EBF4: variants seen among roughly 807,000 people sequenced by gnomAD.
The protein encoded by EBF4 is transcription factor COE4.
EBF4 carries 34 observed loss-of-function variants against 67.1 expected under a neutral mutation model. The observed-to-expected ratio is 0.51, with a 90% confidence interval of 0.39 to 0.67. The LOEUF (loss-of-function observed/expected upper bound fraction) is 0.67, where lower values mean the gene tolerates loss of function less well. Among genes scored for constraint, EBF4 ranks in the 30% least tolerant of loss-of-function variants. The pLI is 0.00. For missense variants in EBF4, 837 were observed against 873.3 expected, an observed-to-expected ratio of 0.96 and a Z score of 0.52; for synonymous variants, 387 against 377.7, an observed-to-expected ratio of 1.02 and a Z score of -0.29.
chr20:2,730,103 G>A (rs543327319), intron 6 of EBF4, among the ~76,000 whole-genome samples: 2 of 152,302 alleles, frequency 1.3e-5, no homozygotes, highest in African/African-American at 4.8e-5. Flanking sequence ...TTTGCAGCTG[G>A]GGGATGAATG....
intron 1 of EBF4, among the ~76,000 whole-genome samples, chr20:2,698,728 T>C (rs941349358): frequency 5.9e-5 from 9 of 151,938 alleles, no homozygotes; most frequent in Non-Finnish European, 1.3e-4. Flanking sequence ...ACAAAGAGCC[T>C]CCCCCCATTA....
At chr20:2,726,106 G>A (rs535796947) in intron 6 of EBF4, among the ~76,000 whole-genome samples, 6 of 152,094 alleles carry the variant, frequency 3.9e-5, no homozygotes, top group African/African-American at 1.4e-4. Flanking sequence ...TGCCCCAAGA[G>A]CATTTATTTA....
chr20:2,737,206 C>A (rs1049295261), intron 6 of EBF4, among the ~76,000 whole-genome samples: 16 of 148,780 alleles, frequency 1.1e-4, no homozygotes, highest in African/African-American at 3.5e-4. Flanking sequence ...GCCGAGATCG[C>A]GCCACTGCAC....
intron 6 of EBF4, among the ~76,000 whole-genome samples, chr20:2,729,118 C>A (rs1321491900): frequency 6.6e-6 from 1 of 151,696 alleles, no homozygotes; most frequent in Non-Finnish European, 1.5e-5. Context: ...TTTTATAATT[C>A]TATGAATTTA....
chr20:2,729,743 GT>G (rs2087789713), intron 6 of EBF4, among the ~76,000 whole-genome samples: 1 of 152,188 alleles, frequency 6.6e-6, no homozygotes, highest in Non-Finnish European at 1.5e-5. Context: ...AAAAGAGTCC[GT>G]TTTCACATCC....
At chr20:2,754,814 G>A (rs1359290825) in intron 14 of EBF4, among the ~76,000 whole-genome samples, 1 of 152,166 alleles carries the variant, frequency 6.6e-6, no homozygotes, top group East Asian at 1.9e-4. Context: ...AGAGGGGGCA[G>A]GCAAAGTCTG....
At position 2,755,978 on chromosome 20, in the gene EBF4, T is replaced by C. The variant is rs1464722857; in HGVS notation, c.1738+154T>C. Among the ~76,000 whole-genome samples, 1 of 152,136 alleles carries C rather than the reference T, an allele frequency of 6.6e-6. No homozygotes were observed. The highest frequency in any genetic ancestry group is 1.5e-5 in the Non-Finnish European group (1 of 68,018). On this transcript the variant is annotated intron_variant, in intron 15 of 16. Transcript: ENST00000609451. This position sits in a 1 kb window ranked among gnomAD's most constrained non-coding sequence, Gnocchi z 4.7. The stretch of plus-strand genomic sequence containing the variant: ...CGGAGAGCAGGGAGCTCTGCTGGGG[T>C]CCAGGGAGGTCCCTCTGGCCCCCTC...
At chr20:2,741,613 G>A (rs76558413) in intron 6 of EBF4, among the ~76,000 whole-genome samples, 1,617 of 152,280 alleles carry the variant, frequency 0.011, 26 homozygotes, top group African/African-American at 0.037. Flanking sequence ...AATAAAAAGC[G>A]TTTATAGACA....
chr20:2,742,031 T>A (rs748097860), intron 6 of EBF4, among the ~76,000 whole-genome samples: 1 of 152,168 alleles, frequency 6.6e-6, no homozygotes, highest in Admixed American at 6.5e-5. Context: ...CCCCACAACA[T>A]ACTATCCTGG....
rs1473545888 is a variant in EBF4 at position 2,756,875 on chromosome 20, G to C, written c.1738+1051G>C. ...TTTGTCAGAGCCTTTCATGTGCCAG[G>C]GTACGTTGTGAACCTTCTAGGAAAC... On this transcript the variant is annotated intron_variant, in intron 15 of 16. Transcript: ENST00000609451. The surrounding 1 kb of genome is among the most constrained non-coding windows in gnomAD (Gnocchi z 4.5). 6.6e-6 allele frequency among the ~76,000 whole-genome samples: 1 copy of C among 152,160 alleles called. No individual in the cohort carries two copies. Among genetic ancestry groups the C allele is most frequent in the Non-Finnish European group, 1.5e-5 (1 of 68,036 alleles).
rs959249381 is a variant in EBF4 at position 2,696,396 on chromosome 20, C to T, written c.137+2614C>T. 3.9e-5 allele frequency among the ~76,000 whole-genome samples: 6 copies of T among 152,166 alleles called. No individual in the cohort carries two copies. Among genetic ancestry groups the T allele is most frequent in the African/African-American group, 4.8e-5 (2 of 41,516 alleles). ...CTGAGGTGGGAGGATTGCTTGAGCC[C>T]GGGAGGCAGAGGCTTCGGTGAGCCA... On this transcript the variant is annotated intron_variant, in intron 1 of 16. Transcript: ENST00000609451. The surrounding 1 kb of genome is among the most constrained non-coding windows in gnomAD (Gnocchi z 4.7).
chr20:2,737,011 A>T (rs1419481087), intron 6 of EBF4, among the ~76,000 whole-genome samples: 1 of 152,110 alleles, frequency 6.6e-6, no homozygotes, highest in Non-Finnish European at 1.5e-5. Flanking sequence ...GCACTTTGGG[A>T]GGCCAAGGTG....
At chr20:2,711,148 AAATAATAAT>A (rs144765250) in intron 6 of EBF4, among the ~76,000 whole-genome samples, 15,264 of 146,774 alleles carry the variant, frequency 0.1, 881 homozygotes, top group Admixed American at 0.14. Context: ...ACCCTGTCTA[AAATAATAAT>A]AATAATAATA....
chr20:2,693,357 T>A (rs1238933419), upstream of EBF4, among the ~76,000 whole-genome samples: 1 of 150,324 alleles, frequency 6.7e-6, no homozygotes, highest in Non-Finnish European at 1.5e-5. The surrounding 1 kb of genome is among the most constrained non-coding windows in gnomAD (Gnocchi z 4.6). Context: ...CGGGCTCCGC[T>A]CCCCGCCCTC....
intron 1 of EBF4, among the ~76,000 whole-genome samples, chr20:2,703,256 T>TAAAAA (rs58171984): frequency 8.8e-6 from 1 of 114,110 alleles, no homozygotes; most frequent in Non-Finnish European, 1.8e-5. Flanking sequence ...GACCCTGTCT[T>TAAAAA]AAAAAAAAAA....
chr20:2,693,707 T>A lies in EBF4; in HGVS notation c.62T>A (p.Leu21Gln), dbSNP rs761242891. 1 of 1,422,256 alleles carries A rather than the reference T, an allele frequency of 7.0e-7. No homozygotes were observed. Among genetic ancestry groups the A allele is most frequent in the South Asian group, 1.4e-5 (1 of 69,740 alleles). The allele number at this position is 1,422,256 out of a possible 1,614,324, so 88.1% of individuals were successfully genotyped here. A position where few individuals can be genotyped will look rare whatever the true frequency, so the allele number is the denominator to read the frequency against. Residue 21 changes from leucine (L) to glutamine (Q), a missense_variant, in exon 1 of 17, where the codon CTG becomes CAG. Leu to Gln is a moderately radical substitution (Grantham distance 113). Around this residue, in one of 3 missense-constraint regions of EBF4, gnomAD observed 86 missense variants for 70.3 expected, o/e 1.22. Coordinates refer to ENST00000609451, the Ensembl canonical transcript of EBF4. This position sits in a 1 kb window ranked among gnomAD's most constrained non-coding sequence, Gnocchi z 4.6. Reference sequence around the variant, plus strand: ...CTGAACCTGAAGGAGGAGCCGCTGCTGCCCGCCGGCCTGGGCTCAGTGCGC... The same window carrying A: ...CTGAACCTGAAGGAGGAGCCGCTGCAGCCCGCCGGCCTGGGCTCAGTGCGC...
At position 2,747,345 on chromosome 20, in the gene EBF4, G is replaced by C. The variant is rs1429316329; in HGVS notation, c.558-1204G>C. On this transcript the variant is annotated intron_variant, in intron 6 of 16. Coordinates refer to ENST00000609451, the Ensembl canonical transcript of EBF4. This position sits in a 1 kb window ranked among gnomAD's most constrained non-coding sequence, Gnocchi z 4.6. ...AAAAAAAAAAACAGGAAAAAAAAGA[G>C]TACAACAGCCAGAATGTTGTCCATG... Among the ~76,000 whole-genome samples the C allele has an allele frequency of 6.6e-6, 1 of 151,104 alleles. No individual in the cohort carries two copies. The highest frequency in any genetic ancestry group is 1.5e-5 in the Non-Finnish European group (1 of 67,768).
chr20:2,749,939 T>G, exon 10 of EBF4: 3 of 1,551,114 alleles, frequency 1.9e-6, no homozygotes, highest in Non-Finnish European at 2.6e-6. Context: ...CCAAGCAGTT[T>G]TGCAAGGGAT....
chr20:2,737,250 CAAAA>C (rs777580766), intron 6 of EBF4, among the ~76,000 whole-genome samples: 2 of 114,876 alleles, frequency 1.7e-5, no homozygotes, highest in Admixed American at 8.8e-5. Context: ...AACTCCGTCT[CAAAA>C]AAAAAAAAAA....
Sources: allele counts gnomAD v4.1 joint callset (sites outside exome capture counted in the v4.1 genomes callset), GRCh38; gene constraint gnomAD v4.1.1; regional missense constraint gnomAD v4.1.1; non-coding constraint Gnocchi (gnomAD v3.1); transcripts MANE v1.5; gene names NCBI Gene and HGNC (gene_info 2026-07-23, HGNC 2026-07-21).